RFTN1: variants seen among roughly 807,000 people sequenced by gnomAD.
The protein encoded by RFTN1 is raftlin.
In RFTN1, 26 loss-of-function variants were observed where a neutral mutation model predicts 46.5. That is an observed-to-expected ratio of 0.56 (90% CI 0.41 to 0.78). The LOEUF (loss-of-function observed/expected upper bound fraction) is 0.78. Ranked by LOEUF, RFTN1 falls within the 30% of genes least tolerant of loss-of-function variation. The probability of loss-of-function intolerance (pLI) is 0.00; values close to 1 mark genes in which losing one functional copy is unlikely to be tolerated. For missense variants in RFTN1, 693 were observed against 718.7 expected, an observed-to-expected ratio of 0.96 and a Z score of 0.41; for synonymous variants, 261 against 284.2, an observed-to-expected ratio of 0.92 and a Z score of 0.82.
rs142116606 is a variant in RFTN1 at position 16,340,205 on chromosome 3, T to A, written c.1147-13329A>T. Among the ~76,000 whole-genome samples, 8 of 152,328 alleles carry A rather than the reference T, an allele frequency of 5.3e-5. No homozygotes were observed. In the East Asian group the frequency reaches 1.5e-3, roughly 29 times the overall value. On this transcript the variant is annotated intron_variant, in intron 7 of 9. Transcript: ENST00000334133. ...AGTGCCTGTTTCTCCATCTCTTGAC[T>A]CTGAGCTGGTTTTGTGACTTTCTTT... is the stretch of plus-strand genomic sequence containing the variant.
At position 16,446,397 on chromosome 3, in the gene RFTN1, CATCT is replaced by C. The variant is rs1458824808; in HGVS notation, c.146-12364_146-12361del. Among the ~76,000 whole-genome samples the C allele has an allele frequency of 6.6e-6, 1 of 151,954 alleles. No individual in the cohort carries two copies. The highest frequency in any genetic ancestry group is 1.5e-5 in the Non-Finnish European group (1 of 68,012). On this transcript the variant is annotated intron_variant, in intron 2 of 9. Transcript: ENST00000334133. This position sits in a 1 kb window ranked among gnomAD's most constrained non-coding sequence, Gnocchi z 4.5. ...CACATTGTCGTGCAACCATCACCAC[CATCT>C]ATCTCCAGGAAATCTTCATCGGCCT...
chr3:16,431,855 C>G (rs2075395581), intron 3 of RFTN1, among the ~76,000 whole-genome samples: 1 of 152,200 alleles, frequency 6.6e-6, no homozygotes, highest in Admixed American at 6.5e-5. Flanking sequence ...TAAAGTGGTT[C>G]TCCACAAGAA....
In RFTN1 at chr3:16,370,090, A is replaced by G; in HGVS notation, c.1016T>C (p.Leu339Pro). ...GGMLVNAVFY[L>P]GIVNDSLHGL... ...TCCAAACATACCATTCACTATTCCA[A>G]GGTAGAAGACTGCGTTCACCAGCAT... The change falls in exon 6 of 10, where the codon CTT becomes CCT. Residue 339 changes from leucine (L) to proline (P), a missense_variant. By Grantham distance (98) the Leu-to-Pro change is moderately conservative. Coordinates refer to ENST00000334133, the MANE Select transcript of RFTN1 (RefSeq NM_015150.2). The surrounding 1 kb of genome is among the most constrained non-coding windows in gnomAD (Gnocchi z 5.5). 2 of 1,614,220 alleles carry G rather than the reference A, an allele frequency of 1.2e-6. No homozygotes were observed. The highest frequency in any genetic ancestry group is 8.5e-7 in the Non-Finnish European group (1 of 1,180,024).
chr3:16,362,808 G>A (rs759865993), intron 6 of RFTN1, among the ~76,000 whole-genome samples: 8 of 152,264 alleles, frequency 5.3e-5, no homozygotes, highest in South Asian at 2.1e-4. Flanking sequence ...TGCCCATGGC[G>A]AGCATGGCAG....
Position 16,433,173 on chromosome 3 carries a change from GTT to G in RFTN1, c.332+676_332+677del, listed in dbSNP as rs758282020. The stretch of plus-strand genomic sequence containing the variant: ...CTGCTCTCTCCATCCCATCCTCACT[GTT>G]TTTTTTTTTTAAAAAAATTAATATT... On this transcript the variant is annotated intron_variant, in intron 3 of 9. Coordinates refer to ENST00000334133, the MANE Select transcript of RFTN1 (RefSeq NM_015150.2). The surrounding 1 kb of genome is among the most constrained non-coding windows in gnomAD (Gnocchi z 4.4). Among the ~76,000 whole-genome samples, 18 of 96,352 alleles carry G rather than the reference GTT, an allele frequency of 1.9e-4. No homozygotes were observed. Among genetic ancestry groups the G allele is most frequent in the South Asian group, 2.7e-4 (1 of 3,652 alleles). 63.2% of individuals were successfully genotyped at this position (96,352 alleles called of 152,430 possible).
intron 2 of RFTN1, among the ~76,000 whole-genome samples, chr3:16,456,084 T>G (rs1243359659): frequency 6.7e-6 from 1 of 149,504 alleles, no homozygotes; most frequent in Non-Finnish European, 1.5e-5. Context: ...CTGCAGAACA[T>G]GAGCGAAACT....
Position 16,427,717 on chromosome 3 carries a change from G to C in RFTN1, c.332+6134C>G, listed in dbSNP as rs1386139341. On this transcript the variant is annotated intron_variant, in intron 3 of 9. Transcript: ENST00000334133. The surrounding 1 kb of genome is among the most constrained non-coding windows in gnomAD (Gnocchi z 5.4). Reference sequence around the variant, plus strand: ...GTAGCCTTGGCTAAGTCAGCAGCTAGAGAAGTGGGCCCTGGCCTGAGGGGC... The same window carrying C: ...GTAGCCTTGGCTAAGTCAGCAGCTACAGAAGTGGGCCCTGGCCTGAGGGGC... Among the ~76,000 whole-genome samples, 2 of 152,224 alleles carry C rather than the reference G, an allele frequency of 1.3e-5. No individual in the cohort carries two copies. Among genetic ancestry groups the C allele is most frequent in the African/African-American group, 2.4e-5 (1 of 41,464 alleles).
chr3:16,359,908 T>C (rs2072717200), intron 6 of RFTN1, among the ~76,000 whole-genome samples: 1 of 151,998 alleles, frequency 6.6e-6, no homozygotes, highest in East Asian at 1.9e-4. Context: ...TTTCTAGAAG[T>C]CACAAAGAAA....
Position 16,415,985 on chromosome 3 carries a change from A to G in RFTN1, c.333-6502T>C, listed in dbSNP as rs1458411034. 4 of 265,256 alleles carry G rather than the reference A, an allele frequency of 1.5e-5. No homozygotes were observed. The Admixed American group carries it at 2.1e-4, about 14-fold the overall frequency. 16.4% of individuals were successfully genotyped at this position (265,256 alleles called of 1,614,324 possible). A position where few individuals can be genotyped will look rare whatever the true frequency, so the allele number is the denominator to read the frequency against. ...AATTTAAATTTTGATTTGGGTTCAGAATAGCTTGGCTCCTTGAAAAAAAAA... is the reference window on the plus strand; with the variant it reads ...AATTTAAATTTTGATTTGGGTTCAGGATAGCTTGGCTCCTTGAAAAAAAAA... On this transcript the variant is annotated intron_variant, in intron 3 of 9. Coordinates refer to ENST00000334133, the MANE Select transcript of RFTN1 (RefSeq NM_015150.2).
At position 16,507,818 on chromosome 3, in the gene RFTN1, CAT is replaced by C. The variant is rs1345767432; in HGVS notation, c.-9+5622_-9+5623del. On this transcript the variant is annotated intron_variant, in intron 1 of 9. Transcript: ENST00000334133. This position sits in a 1 kb window ranked among gnomAD's most constrained non-coding sequence, Gnocchi z 7.1. ...AAACACACACAAACGCACATACATA[CAT>C]ACATACACACACACACACATACACA... Among the ~76,000 whole-genome samples, 1 of 129,896 alleles carries C rather than the reference CAT, an allele frequency of 7.7e-6. No homozygotes were observed. Among genetic ancestry groups the C allele is most frequent in the Non-Finnish European group, 1.7e-5 (1 of 59,698 alleles). The allele number at this position is 129,896 out of a possible 152,430, so 85.2% of individuals were successfully genotyped here. A position where few individuals can be genotyped will look rare whatever the true frequency, so the allele number is the denominator to read the frequency against.
intron 6 of RFTN1, among the ~76,000 whole-genome samples, chr3:16,360,831 A>T (rs991425218): frequency 6.6e-6 from 1 of 152,228 alleles, no homozygotes. Context: ...GAATTTAATG[A>T]TTTGGAAAAA....
Position 16,421,708 on chromosome 3 carries a change from G to T in RFTN1, c.332+12143C>A, listed in dbSNP as rs531921763. On this transcript the variant is annotated intron_variant, in intron 3 of 9. Transcript: ENST00000334133. The surrounding 1 kb of genome is among the most constrained non-coding windows in gnomAD (Gnocchi z 4.6). ...ACAAAGCTCTTATGGGCAGAGACGG[G>T]TCAGTGTAGCCATTTCCACATGAGA... 6.6e-6 allele frequency among the ~76,000 whole-genome samples: 1 copy of T among 152,286 alleles called. No individual in the cohort carries two copies. The highest frequency in any genetic ancestry group is 2.4e-5 in the African/African-American group (1 of 41,558).
intron 3 of RFTN1, 98 bp from the exon 4 acceptor site, chr3:16,409,581 G>A (rs1354447096): frequency 1.4e-5 from 11 of 776,362 alleles, no homozygotes; most frequent in African/African-American, 1.4e-4. Context: ...GCAATGACGC[G>A]ATCTCGGCTC....
chr3:16,474,466 A>G lies in RFTN1; in HGVS notation c.145+19259T>C, dbSNP rs1471388161. Among the ~76,000 whole-genome samples, 3 of 152,204 alleles carry G rather than the reference A, an allele frequency of 2.0e-5. No individual in the cohort carries two copies. The highest frequency in any genetic ancestry group is 7.2e-5 in the African/African-American group (3 of 41,450). On this transcript the variant is annotated intron_variant, in intron 2 of 9. Transcript: ENST00000334133. This position sits in a 1 kb window ranked among gnomAD's most constrained non-coding sequence, Gnocchi z 5.5. ...TATTTGCCCTCCTCCCCCAAGATAA[A>G]CAAAGGCTGACCATGAGAAAGATAC... is the stretch of plus-strand genomic sequence containing the variant.
At chr3:16,362,077 C>T (rs2072866948) in intron 6 of RFTN1, among the ~76,000 whole-genome samples, 1 of 152,236 alleles carries the variant, frequency 6.6e-6, no homozygotes, top group South Asian at 2.1e-4. Context: ...GACCACTGTA[C>T]TTTGCTTAGC....
In RFTN1 at chr3:16,329,687, G is replaced by A. The variant is rs965868921; in HGVS notation, c.1147-2811C>T. ...CGTATTCCCAGTTTAAAGAGAGGAGGAAAACCAATTTTAAATCCACACTCT... is the reference window on the plus strand; with the variant it reads ...CGTATTCCCAGTTTAAAGAGAGGAGAAAAACCAATTTTAAATCCACACTCT... On this transcript the variant is annotated intron_variant, in intron 7 of 9. Coordinates refer to ENST00000334133, the MANE Select transcript of RFTN1 (RefSeq NM_015150.2). The surrounding 1 kb of genome is among the most constrained non-coding windows in gnomAD (Gnocchi z 4.5). 6.6e-6 allele frequency among the ~76,000 whole-genome samples: 1 copy of A among 152,058 alleles called. No homozygotes were observed. Among genetic ancestry groups the A allele is most frequent in the Non-Finnish European group, 1.5e-5 (1 of 68,008 alleles).
At position 16,338,371 on chromosome 3, in the gene RFTN1, C is replaced by T. The variant is rs1188088184; in HGVS notation, c.1147-11495G>A. 1.3e-5 allele frequency among the ~76,000 whole-genome samples: 2 copies of T among 152,214 alleles called. No individual in the cohort carries two copies. Among genetic ancestry groups the T allele is most frequent in the Non-Finnish European group, 2.9e-5 (2 of 68,038 alleles). ...GGGCGATGGCTGGGGCCAACTCTGA[C>T]CCGTAGCAGGGACAGGCACTGCAGT... On this transcript the variant is annotated intron_variant, in intron 7 of 9. Transcript: ENST00000334133. This position sits in a 1 kb window ranked among gnomAD's most constrained non-coding sequence, Gnocchi z 5.3.
intron 7 of RFTN1, among the ~76,000 whole-genome samples, chr3:16,355,434 C>T (rs1455316606): frequency 1.3e-5 from 2 of 152,246 alleles, no homozygotes; most frequent in African/African-American, 4.8e-5. Context: ...GGCAAAGGCC[C>T]ATTCCTCATA....
At chr3:16,393,437 T>G (rs538353508) in intron 4 of RFTN1, among the ~76,000 whole-genome samples, 4 of 152,292 alleles carry the variant, frequency 2.6e-5, no homozygotes, top group Admixed American at 1.3e-4. Flanking sequence ...ACTCATACAC[T>G]ATACAGCCTG....
Sources: gnomAD v4.1 joint callset for allele counts (sites outside exome capture counted in the v4.1 genomes callset) on GRCh38, gnomAD v4.1.1 for gene constraint, Gnocchi (gnomAD v3.1) non-coding constraint, MANE v1.5 for transcripts, NCBI Gene and HGNC (gene_info 2026-07-23, HGNC 2026-07-21) for gene names.